MCTP1: variants seen among roughly 807,000 people sequenced by gnomAD.
MCTP1 encodes multiple C2 and transmembrane domain-containing protein 1.
Under a neutral mutation model 120.6 loss-of-function variants are expected in MCTP1, and 69 were observed. That is an observed-to-expected ratio of 0.57 (90% CI 0.47 to 0.70). The LOEUF is 0.70. Ranked by LOEUF, MCTP1 falls within the 30% of genes least tolerant of loss-of-function variation. The probability of loss-of-function intolerance (pLI) is 0.00; values close to 1 mark genes in which losing one functional copy is unlikely to be tolerated. For synonymous variants in MCTP1, 529 were observed against 493.1 expected (o/e 1.07, Z -0.96); for missense variants, 1,203 against 1,248.8 (o/e 0.96, Z 0.55).
chr5:95,233,150 C>A (rs925438612), intron 1 of MCTP1, among the ~76,000 whole-genome samples: 4 of 152,122 alleles, frequency 2.6e-5, no homozygotes, highest in African/African-American at 9.7e-5. Flanking sequence ...TTTTCAAGTG[C>A]ACGCACAATA....
At chr5:94,974,724 A>G (rs1242321343) in intron 2 of MCTP1, among the ~76,000 whole-genome samples, 1 of 152,086 alleles carries the variant, frequency 6.6e-6, no homozygotes, top group African/African-American at 2.4e-5. Flanking sequence ...GAATATATGC[A>G]TGAAAAAAAT....
chr5:95,168,956 G>A (rs944598963), intron 1 of MCTP1, among the ~76,000 whole-genome samples: 13 of 152,034 alleles, frequency 8.6e-5, no homozygotes, highest in Non-Finnish European at 1.8e-4. Flanking sequence ...TGGTGAGAGA[G>A]GGCATCCCTG....
chr5:94,814,064 A>T (rs1487959650), intron 17 of MCTP1, among the ~76,000 whole-genome samples: 1 of 152,202 alleles, frequency 6.6e-6, no homozygotes, highest in African/African-American at 2.4e-5. Context: ...TCAGTCATGA[A>T]GGATCCTCTG....
chr5:95,150,872 T>TAA (rs1160017957), intron 1 of MCTP1, among the ~76,000 whole-genome samples: 1 of 152,158 alleles, frequency 6.6e-6, no homozygotes, highest in Non-Finnish European at 1.5e-5. Context: ...ACTAGTAACC[T>TAA]ACTGTTGACT....
At chr5:94,850,207 C>G (rs1233697231) in intron 17 of MCTP1, among the ~76,000 whole-genome samples, 1 of 152,260 alleles carries the variant, frequency 6.6e-6, no homozygotes, top group East Asian at 1.9e-4. Context: ...CCAGGGTATG[C>G]ACCCAACCGT....
intron 1 of MCTP1, among the ~76,000 whole-genome samples, chr5:95,035,612 TGG>T (rs1841146146): frequency 1.3e-5 from 2 of 152,154 alleles, no homozygotes; most frequent in Middle Eastern, 3.4e-3. Context: ...AACTACTTAT[TGG>T]GTACTATGTT....
intron 1 of MCTP1, among the ~76,000 whole-genome samples, chr5:95,227,339 C>T (rs1327000703): frequency 6.6e-6 from 1 of 152,116 alleles, no homozygotes; most frequent in Non-Finnish European, 1.5e-5. Context: ...GAAAGAAAAG[C>T]TTGGGATGTG....
chr5:95,141,105 A>C (rs1759897057), intron 1 of MCTP1, among the ~76,000 whole-genome samples: 1 of 152,060 alleles, frequency 6.6e-6, no homozygotes, highest in Non-Finnish European at 1.5e-5. Flanking sequence ...AAAACCTTAA[A>C]GACGGGGTTA....
At chr5:94,802,231 T>G (rs948047253) in intron 17 of MCTP1, among the ~76,000 whole-genome samples, 1 of 152,196 alleles carries the variant, frequency 6.6e-6, no homozygotes, top group African/African-American at 2.4e-5. Context: ...TTGAATAAGT[T>G]GTAAATACAA....
chr5:95,044,482 T>C (rs895046726), intron 1 of MCTP1, among the ~76,000 whole-genome samples: 2 of 152,152 alleles, frequency 1.3e-5, no homozygotes, highest in African/African-American at 4.8e-5. Context: ...ATCAATTGAG[T>C]AGATCAATTT....
At chr5:94,718,022 T>G (rs1759925240) in intron 19 of MCTP1, among the ~76,000 whole-genome samples, 1 of 152,044 alleles carries the variant, frequency 6.6e-6, no homozygotes, top group South Asian at 2.1e-4. Context: ...TCCTTAAAAT[T>G]CATATGGAAC....
intron 1 of MCTP1, among the ~76,000 whole-genome samples, chr5:95,169,238 G>A (rs1381680899): frequency 6.6e-6 from 1 of 152,222 alleles, no homozygotes; most frequent in African/African-American, 2.4e-5. Flanking sequence ...GCAACCCACA[G>A]AGGAAGCCAA....
chr5:94,767,676 A>T (rs141553326), intron 19 of MCTP1, among the ~76,000 whole-genome samples: 44 of 152,284 alleles, frequency 2.9e-4, no homozygotes, highest in African/African-American at 7.9e-4. Flanking sequence ...GCTACAAAAA[A>T]ATAAAATACC....
intron 2 of MCTP1, among the ~76,000 whole-genome samples, chr5:95,009,192 C>T (rs1358730430): frequency 4.6e-5 from 7 of 151,642 alleles, no homozygotes; most frequent in African/African-American, 1.7e-4. Context: ...TTGTTTTAAG[C>T]CTCCAAGTTT....
At chr5:95,105,298 GAGCAAGTTTC>G in intron 1 of MCTP1, among the ~76,000 whole-genome samples, 1 of 152,280 alleles carries the variant, frequency 6.6e-6, no homozygotes, top group South Asian at 2.1e-4. Flanking sequence ...CATGACTCTA[GAGCAAGTTTC>G]AGCTTCTACT....
At chr5:95,061,656 C>T (rs1334053368) in intron 1 of MCTP1, among the ~76,000 whole-genome samples, 4 of 151,494 alleles carry the variant, frequency 2.6e-5, no homozygotes, top group Non-Finnish European at 5.9e-5. Flanking sequence ...GGGATGGTCT[C>T]GATCTCCTGA....
intron 1 of MCTP1, among the ~76,000 whole-genome samples, chr5:95,250,164 AT>A (rs1336914132): frequency 1.3e-5 from 2 of 151,754 alleles, no homozygotes; most frequent in African/African-American, 2.4e-5. Flanking sequence ...TAATAAAAAA[AT>A]AATAAAATAA....
chr5:95,021,801 CTG>C (rs1163215498), intron 1 of MCTP1, among the ~76,000 whole-genome samples: 1 of 151,994 alleles, frequency 6.6e-6, no homozygotes. Context: ...CTTCTAAAGA[CTG>C]TGAAAAATGG....
At chr5:95,080,925 G>T (rs1158624173) in intron 1 of MCTP1, among the ~76,000 whole-genome samples, 3 of 151,916 alleles carry the variant, frequency 2.0e-5, no homozygotes, top group Non-Finnish European at 2.9e-5. Context: ...AAATATGAAA[G>T]GTCCAGAGGC....
Sources: gnomAD v4.1 joint callset for allele counts (sites outside exome capture counted in the v4.1 genomes callset) on GRCh38, gnomAD v4.1.1 for gene constraint, MANE v1.5 for transcripts, NCBI Gene and HGNC (gene_info 2026-07-23, HGNC 2026-07-21) for gene names.